MAD1L1: variants seen among roughly 807,000 people sequenced by gnomAD.
MAD1L1 encodes mitotic spindle assembly checkpoint protein MAD1.
In MAD1L1, 95 loss-of-function variants were observed where a neutral mutation model predicts 96.9. The ratio of observed to expected loss-of-function variants is 0.98; its 90% CI spans 0.83 to 1.16. The LOEUF (loss-of-function observed/expected upper bound fraction) is 1.16, where lower values mean the gene tolerates loss of function less well. Ranked by LOEUF, MAD1L1 falls within the 50% of genes most tolerant of loss-of-function variation. MAD1L1 has a pLI of 0.00. For missense variants in MAD1L1, 1,007 were observed against 954.4 expected (o/e 1.06, Z -0.73); for synonymous variants, 473 against 396.6 (o/e 1.19, Z -2.29).
intron 12 of MAD1L1, among the ~76,000 whole-genome samples, chr7:2,028,478 T>C (rs1368754096): frequency 3.3e-5 from 5 of 151,202 alleles, no homozygotes; most frequent in South Asian, 2.1e-4. Context: ...ATATAGTACG[T>C]CCATGGATTA....
intron 18 of MAD1L1, among the ~76,000 whole-genome samples, chr7:1,860,236 G>A (rs1165486015): frequency 7.0e-6 from 1 of 143,630 alleles, no homozygotes; most frequent in Non-Finnish European, 1.5e-5. Flanking sequence ...CCCTAGACAT[G>A]ACATCCTGCG....
intron 10 of MAD1L1, among the ~76,000 whole-genome samples, chr7:2,199,357 C>A (rs1300011279): frequency 1.3e-5 from 2 of 152,214 alleles, no homozygotes; most frequent in Non-Finnish European, 2.9e-5. Context: ...ACACGTTCAC[C>A]TTTCTGGCCT....
intron 12 of MAD1L1, among the ~76,000 whole-genome samples, chr7:2,015,594 A>G (rs995581693): frequency 6.6e-6 from 1 of 151,968 alleles, no homozygotes; most frequent in Non-Finnish European, 1.5e-5. Context: ...CATTGCCTGC[A>G]CTCCCTGCCC....
intron 11 of MAD1L1, among the ~76,000 whole-genome samples, chr7:2,097,249 C>T (rs76535538): frequency 0.014 from 2,087 of 152,116 alleles, 20 homozygotes; most frequent in African/African-American, 0.026. Flanking sequence ...CCCAAGCACG[C>T]GCTCACCCCA....
intron 11 of MAD1L1, among the ~76,000 whole-genome samples, chr7:2,120,717 A>T: frequency 6.6e-6 from 1 of 152,214 alleles, no homozygotes; most frequent in African/African-American, 2.4e-5. Context: ...TTCGAGAGAG[A>T]CTTGTAAACA....
chr7:2,143,645 T>C (rs1374745710), intron 11 of MAD1L1, among the ~76,000 whole-genome samples: 4 of 151,860 alleles, frequency 2.6e-5, no homozygotes, highest in Middle Eastern at 3.4e-3. Flanking sequence ...ATGGCAGCAG[T>C]AGATGAAACA....
At chr7:2,217,355 C>G (rs902531424) in intron 7 of MAD1L1, among the ~76,000 whole-genome samples, 1 of 152,178 alleles carries the variant, frequency 6.6e-6, no homozygotes, top group East Asian at 1.9e-4. Context: ...CTGAGGGCTG[C>G]GAGGGGCCAG....
intron 12 of MAD1L1, among the ~76,000 whole-genome samples, chr7:2,031,165 C>G (rs76701546): frequency 0.046 from 6,995 of 152,256 alleles, 550 homozygotes; most frequent in African/African-American, 0.16. Context: ...CCAGGCCGCT[C>G]AGAGAGGAAG....
At chr7:2,136,617 G>A (rs1482383275) in intron 11 of MAD1L1, among the ~76,000 whole-genome samples, 1 of 152,108 alleles carries the variant, frequency 6.6e-6, no homozygotes, top group Non-Finnish European at 1.5e-5. Context: ...CCCCTTCCAG[G>A]GGCTCCTGTT....
Position 2,162,599 on chromosome 7 carries a change from A to C in MAD1L1, c.987-13361T>G, listed in dbSNP as rs558961381. Among the ~76,000 whole-genome samples the C allele has an allele frequency of 6.6e-5, 10 of 150,720 alleles. No homozygotes were observed. In the East Asian group the frequency reaches 7.7e-4, roughly 12 times the overall value. On this transcript the variant is annotated intron_variant, in intron 10 of 18. Coordinates refer to ENST00000265854, the MANE Select transcript of MAD1L1 (RefSeq NM_001013836.2). Reference sequence around the variant, plus strand: ...GAATGATCAATAAATACTAAAAAAAAAAACAAACAAAAAACCAACTTAAAG... The same window carrying C: ...GAATGATCAATAAATACTAAAAAAACAAACAAACAAAAAACCAACTTAAAG...
chr7:1,996,073 C>T (rs893664656), intron 14 of MAD1L1, among the ~76,000 whole-genome samples: 1 of 152,234 alleles, frequency 6.6e-6, no homozygotes, highest in South Asian at 2.1e-4. Flanking sequence ...TCAGTAGCAG[C>T]ACCAGTGAAG....
chr7:1,897,280 A>T (rs1554287387), intron 18 of MAD1L1, among the ~76,000 whole-genome samples: 1 of 152,172 alleles, frequency 6.6e-6, no homozygotes, highest in Non-Finnish European at 1.5e-5. Flanking sequence ...CCATAAAGAC[A>T]CGCAGAGGCT....
intron 18 of MAD1L1, chr7:1,845,560 ACGGGGAAGAGCGC>A (rs1783565689): frequency 2.7e-5 from 2 of 74,334 alleles, no homozygotes; most frequent in African/African-American, 1.1e-4. Flanking sequence ...GCTCTGGTTC[ACGGGGAAGAGCGC>A]TGTTTAGGAG....
chr7:1,899,065 C>T (rs192763575), intron 17 of MAD1L1, among the ~76,000 whole-genome samples: 23 of 152,298 alleles, frequency 1.5e-4, no homozygotes, highest in Non-Finnish European at 2.6e-4. Flanking sequence ...CATCGTGAGA[C>T]GACAGCCGGC....
At chr7:1,939,162 CACAT>C (rs1452078902) in intron 16 of MAD1L1, among the ~76,000 whole-genome samples, 1 of 145,258 alleles carries the variant, frequency 6.9e-6, no homozygotes, top group Non-Finnish European at 1.5e-5. Context: ...GGCGCACACA[CACAT>C]ACGGGCCAGG....
intron 12 of MAD1L1, among the ~76,000 whole-genome samples, chr7:2,055,909 G>C (rs1437983982): frequency 6.6e-6 from 1 of 152,194 alleles, no homozygotes; most frequent in African/African-American, 2.4e-5. Flanking sequence ...AACCCAGGAG[G>C]CAGAGGTTGC....
chr7:1,896,357 C>G (rs117011217), intron 18 of MAD1L1, among the ~76,000 whole-genome samples: 127 of 152,290 alleles, frequency 8.3e-4, no homozygotes, highest in Non-Finnish European at 1.5e-3. Flanking sequence ...GATGCTGGCT[C>G]GAGCAGGAAG....
At chr7:2,104,817 G>C (rs143872879) in intron 11 of MAD1L1, among the ~76,000 whole-genome samples, 112 of 152,288 alleles carry the variant, frequency 7.4e-4, no homozygotes, top group African/African-American at 2.5e-3. Flanking sequence ...AATCACTGCA[G>C]CTCCCACGCC....
intron 12 of MAD1L1, among the ~76,000 whole-genome samples, chr7:2,057,167 G>C (rs774500161): frequency 6.6e-6 from 1 of 152,206 alleles, no homozygotes; most frequent in African/African-American, 2.4e-5. Flanking sequence ...CGAGTCTGCT[G>C]TGCAGCTCCC....
Sources: gnomAD v4.1 joint callset for allele counts (sites outside exome capture counted in the v4.1 genomes callset) on GRCh38, gnomAD v4.1.1 for gene constraint, MANE v1.5 for transcripts, NCBI Gene and HGNC (gene_info 2026-07-23, HGNC 2026-07-21) for gene names.